The following CTNNA2 variants were observed in gnomAD, a reference collection of about 807,000 sequenced individuals.
The protein encoded by CTNNA2 is catenin alpha 2.
Under a neutral mutation model 101.0 loss-of-function variants are expected in CTNNA2, and 42 were observed. The ratio of observed to expected loss-of-function variants is 0.42; its 90% CI spans 0.32 to 0.54. The LOEUF is 0.54. Among genes scored for constraint, CTNNA2 ranks in the 20% least tolerant of loss-of-function variants. CTNNA2 has a pLI of 0.14. For synonymous variants in CTNNA2, 450 were observed against 456.4 expected, an observed-to-expected ratio of 0.99 and a Z score of 0.18; for missense variants, 871 against 1,223.1, an observed-to-expected ratio of 0.71 and a Z score of 4.29.
intron 12 of CTNNA2, among the ~76,000 whole-genome samples, chr2:80,559,973 T>A (rs1693421255): frequency 6.6e-6 from 1 of 150,662 alleles, no homozygotes; most frequent in South Asian, 2.1e-4. Flanking sequence ...CTGACTCAAG[T>A]TTGTGGCCAT....
intron 4 of CTNNA2, among the ~76,000 whole-genome samples, chr2:79,447,688 A>T (rs1678849090): frequency 6.6e-6 from 1 of 151,976 alleles, no homozygotes; most frequent in Admixed American, 6.6e-5. Flanking sequence ...ACCTCATCTG[A>T]AAAGGGAGCA....
chr2:80,555,316 T>C (rs1836199), intron 11 of CTNNA2, among the ~76,000 whole-genome samples: 2 of 152,212 alleles, frequency 1.3e-5, no homozygotes, highest in Admixed American at 1.3e-4. Flanking sequence ...TGTGTAAGTA[T>C]CAAACTTCAA....
At chr2:80,093,396 G>A (rs574141045) in intron 7 of CTNNA2, among the ~76,000 whole-genome samples, 4 of 152,112 alleles carry the variant, frequency 2.6e-5, no homozygotes, top group African/African-American at 9.7e-5. Context: ...TGTTAATCCA[G>A]TCTATCATTG....
At chr2:79,362,507 T>C (rs918991926) in intron 3 of CTNNA2, among the ~76,000 whole-genome samples, 2 of 152,148 alleles carry the variant, frequency 1.3e-5, no homozygotes, top group African/African-American at 4.8e-5. Flanking sequence ...AATTCACTTG[T>C]GGAATTCTAG....
intron 7 of CTNNA2, among the ~76,000 whole-genome samples, chr2:80,062,702 CTTTT>C (rs70940073): frequency 0.33 from 38,027 of 116,466 alleles, 4,622 homozygotes; most frequent in Non-Finnish European, 0.4. Context: ...GCACTGTGAT[CTTTT>C]TTTTTTTTTT....
intron 7 of CTNNA2, among the ~76,000 whole-genome samples, chr2:79,951,172 A>T (rs1029557946): frequency 6.6e-6 from 1 of 152,222 alleles, no homozygotes; most frequent in African/African-American, 2.4e-5. Context: ...AACAATGTAA[A>T]GTCTATTATC....
chr2:79,909,623 C>G lies in CTNNA2; in HGVS notation c.882C>G (p.Phe294Leu). 1 of 1,612,650 alleles carries G rather than the reference C, an allele frequency of 6.2e-7. No homozygotes were observed. Among genetic ancestry groups the G allele is most frequent in the Non-Finnish European group, 8.5e-7 (1 of 1,178,918 alleles). Residue 294 changes from phenylalanine to leucine, a missense_variant, in exon 7 of 19, where the codon TTC becomes TTG. By Grantham distance (22) the Phe-to-Leu change is conservative. This residue lies in a region of CTNNA2 where 647 missense variants were observed against 831.5 expected (regional missense o/e 0.78). Coordinates refer to ENST00000402739, the MANE Select transcript of CTNNA2 (RefSeq NM_001282597.3). Reference protein sequence around the residue: ...DNKIILDPMTFSEARFRPSLE... With the variant: ...DNKIILDPMTLSEARFRPSLE... ...AGATTATCCTGGACCCCATGACGTT[C>G]AGCGAGGCCAGGTTCCGGCCGTCCC...
chr2:80,134,305 G>T (rs1234382085), intron 7 of CTNNA2, among the ~76,000 whole-genome samples: 1 of 152,098 alleles, frequency 6.6e-6, no homozygotes, highest in African/African-American at 2.4e-5. Context: ...AAGAAGAGGG[G>T]CATGGAGGGA....
At chr2:79,239,491 G>A (rs780135929) in intron 2 of CTNNA2, among the ~76,000 whole-genome samples, 5 of 152,070 alleles carry the variant, frequency 3.3e-5, no homozygotes, top group Non-Finnish European at 5.9e-5. Context: ...CTGCACTCCA[G>A]CCTGGGTGAC....
At chr2:80,055,561 A>G (rs1367047170) in intron 7 of CTNNA2, among the ~76,000 whole-genome samples, 2 of 152,132 alleles carry the variant, frequency 1.3e-5, no homozygotes, top group Non-Finnish European at 2.9e-5. Context: ...GCACTTTCAT[A>G]TAATAATCCA....
intron 15 of CTNNA2, among the ~76,000 whole-genome samples, chr2:80,595,375 A>G (rs1272251606): frequency 1.3e-5 from 2 of 152,132 alleles, no homozygotes; most frequent in African/African-American, 4.8e-5. Context: ...TTTTTAAAGA[A>G]TCTTAAGCAT....
At chr2:80,163,738 TAGAGTTG>T (rs1215120242) in intron 7 of CTNNA2, among the ~76,000 whole-genome samples, 6 of 152,114 alleles carry the variant, frequency 3.9e-5, no homozygotes, top group African/African-American at 1.4e-4. Context: ...GCAATAATTG[TAGAGTTG>T]TCTATTCTTT....
At chr2:80,625,131 T>C (rs185491007) in intron 18 of CTNNA2, among the ~76,000 whole-genome samples, 39 of 152,152 alleles carry the variant, frequency 2.6e-4, no homozygotes, top group Non-Finnish European at 1.8e-4. Flanking sequence ...ATAAGAGTGA[T>C]ATTGCTATTA....
At chr2:80,029,458 G>A (rs1019782967) in intron 7 of CTNNA2, 1 of 152,104 alleles carries the variant, frequency 6.6e-6, no homozygotes, top group African/African-American at 2.4e-5. Flanking sequence ...CCATCTCAGA[G>A]GTCTCCTAGC....
Position 80,641,346 on chromosome 2 carries a change from T to C in CTNNA2, c.2575-6239T>C, listed in dbSNP as rs1558671161. ...ATTTTCATGAACTGCCATTTATGTG[T>C]CATTAATTTTTGTTAGTAGATGATC... On this transcript the variant is annotated intron_variant, in intron 18 of 18. Transcript: ENST00000402739. Among the ~76,000 whole-genome samples, 6 of 152,312 alleles carry C rather than the reference T, an allele frequency of 3.9e-5. No individual in the cohort carries two copies. In the South Asian group the frequency reaches 1.2e-3, roughly 32 times the overall value.
chr2:79,413,734 C>T (rs950159073), intron 4 of CTNNA2, among the ~76,000 whole-genome samples: 6 of 151,784 alleles, frequency 4.0e-5, no homozygotes, highest in African/African-American at 1.5e-4. Flanking sequence ...TGTCATTTTT[C>T]ATATTTTTGA....
intron 7 of CTNNA2, among the ~76,000 whole-genome samples, chr2:80,181,347 G>A (rs1011874977): frequency 2.6e-5 from 4 of 152,162 alleles, no homozygotes; most frequent in African/African-American, 9.7e-5. Flanking sequence ...TGTTTCCTCT[G>A]GCAGAAGAGA....
At chr2:80,078,227 T>G (rs112814491) in intron 7 of CTNNA2, among the ~76,000 whole-genome samples, 1 of 152,302 alleles carries the variant, frequency 6.6e-6, no homozygotes, top group African/African-American at 2.4e-5. Flanking sequence ...TTTGGCAAGC[T>G]GACGAGCTTG....
chr2:80,464,214 C>G (rs911597258), intron 9 of CTNNA2, among the ~76,000 whole-genome samples: 4 of 152,120 alleles, frequency 2.6e-5, no homozygotes, highest in Admixed American at 6.6e-5. Context: ...CCTGCATGAA[C>G]CAGAAGAAAG....
Sources: allele counts gnomAD v4.1 joint callset (sites outside exome capture counted in the v4.1 genomes callset), GRCh38; gene constraint gnomAD v4.1.1; regional missense constraint gnomAD v4.1.1; transcripts MANE v1.5; gene names NCBI Gene and HGNC (gene_info 2026-07-23, HGNC 2026-07-21).